Variants in ATRNL1 observed in about 807,000 individuals in gnomAD.
The protein encoded by ATRNL1 is attractin-like protein 1.
ATRNL1 carries 95 observed loss-of-function variants against 182.7 expected under a neutral mutation model. The observed-to-expected ratio is 0.52, with a 90% CI of 0.44 to 0.62. The LOEUF is 0.62. ATRNL1 is among the 20% of genes least tolerant of loss of function. The pLI, the probability that ATRNL1 is intolerant of heterozygous loss-of-function variation, is 0.00. For synonymous variants in ATRNL1, 576 were observed against 568.3 expected (o/e 1.01, Z -0.19); for missense variants, 1,471 against 1,679.5 (o/e 0.88, Z 2.17).
chr10:115,545,247 A>G (rs1031458985), intron 25 of ATRNL1, among the ~76,000 whole-genome samples: 8 of 151,436 alleles, frequency 5.3e-5, no homozygotes, highest in Non-Finnish European at 7.4e-5. Context: ...AAAAAAAAAA[A>G]AAAAAAAAAA....
chr10:115,581,829 G>T (rs1855106627), intron 26 of ATRNL1, among the ~76,000 whole-genome samples: 1 of 150,870 alleles, frequency 6.6e-6, no homozygotes. Flanking sequence ...GTGCCATGCT[G>T]GTGCACTGCA....
intron 26 of ATRNL1, among the ~76,000 whole-genome samples, chr10:115,707,176 A>G (rs1358431389): frequency 2.0e-5 from 3 of 151,862 alleles, no homozygotes; most frequent in African/African-American, 4.8e-5. Context: ...AATAGCAAAA[A>G]TTATTATTGT....
intron 9 of ATRNL1, among the ~76,000 whole-genome samples, chr10:115,227,906 C>G (rs1402702082): frequency 6.6e-6 from 1 of 152,168 alleles, no homozygotes; most frequent in African/African-American, 2.4e-5. Flanking sequence ...GAATTATGGG[C>G]TTAGAAGTTA....
chr10:115,549,960 TC>T (rs1852872497), intron 26 of ATRNL1, among the ~76,000 whole-genome samples: 1 of 151,916 alleles, frequency 6.6e-6, no homozygotes, highest in Non-Finnish European at 1.5e-5. Context: ...ATTATAACAT[TC>T]TTTTTTTGGG....
In ATRNL1 at chr10:115,331,349, C is replaced by T. The variant is rs564860210; in HGVS notation, c.3038-2933C>T. ...TGCTGGGATTATAGGCGTGAGCCAC[C>T]GCAGGTGTGAGGCCTGCATTTTTCC... On this transcript the variant is annotated intron_variant, in intron 18 of 28. Transcript: ENST00000355044. 1.6e-4 allele frequency among the ~76,000 whole-genome samples: 24 copies of T among 152,238 alleles called. No individual in the cohort carries two copies. In the East Asian group the frequency reaches 2.9e-3, roughly 18 times the overall value.
At chr10:115,331,623 A>G (rs912022052) in intron 18 of ATRNL1, among the ~76,000 whole-genome samples, 1 of 151,744 alleles carries the variant, frequency 6.6e-6, no homozygotes, top group African/African-American at 2.4e-5. Flanking sequence ...AGCTAATCTT[A>G]TATCTTCTTT....
rs1031043517 is a variant in ATRNL1 at position 115,663,018 on chromosome 10, C to T, written c.3796-64230C>T. On this transcript the variant is annotated intron_variant, in intron 26 of 28. Transcript: ENST00000355044. ...AGTGAAGAAATATGTACTGTTATCT[C>T]TTCTGAAGAGTTATTCAAATTTTTA... Among the ~76,000 whole-genome samples, 4 of 152,050 alleles carry T rather than the reference C, an allele frequency of 2.6e-5. No homozygotes were observed. The East Asian group carries it at 7.7e-4, about 29-fold the overall frequency.
At chr10:115,888,685 G>A (rs1028736690) in intron 28 of ATRNL1, among the ~76,000 whole-genome samples, 1 of 152,118 alleles carries the variant, frequency 6.6e-6, no homozygotes, top group African/African-American at 2.4e-5. Flanking sequence ...ACCATTAGTT[G>A]CTGCAAAAGA....
intron 5 of ATRNL1, among the ~76,000 whole-genome samples, chr10:115,151,498 C>G (rs1429847184): frequency 6.6e-6 from 1 of 152,152 alleles, no homozygotes; most frequent in Non-Finnish European, 1.5e-5. Context: ...TTTCATGTGT[C>G]TGTTGACTGC....
intron 1 of ATRNL1, among the ~76,000 whole-genome samples, chr10:115,101,867 AC>A (rs1465105659): frequency 1.3e-5 from 2 of 152,190 alleles, no homozygotes; most frequent in African/African-American, 4.8e-5. Flanking sequence ...TATACATTCA[AC>A]TTATTTAATA....
chr10:115,948,233 CAA>C lies in ATRNL1; in HGVS notation c.*3455_*3456del, dbSNP rs1219460103. 2.0e-5 allele frequency: 3 copies of C among 152,120 alleles called. No homozygotes were observed. The highest frequency in any genetic ancestry group is 7.2e-5 in the African/African-American group (3 of 41,404). 9.4% of individuals were successfully genotyped at this position (152,120 alleles called of 1,614,324 possible). On this transcript the variant is annotated 3_prime_UTR_variant, in exon 29 of 29. Transcript: ENST00000355044. ...AAATTACTGACTGATGACATTGAGA[CAA>C]GAGCATCAATGATCACCTTTCACGT...
In ATRNL1 at chr10:115,301,926, A is replaced by G; in HGVS notation, c.2701A>G (p.Ser901Gly). 6.2e-7 allele frequency: 1 copy of G among 1,614,076 alleles called. No individual in the cohort carries two copies. The highest frequency in any genetic ancestry group is 8.5e-7 in the Non-Finnish European group (1 of 1,179,934). The stretch of plus-strand genomic sequence containing the variant: ...GAGGACATCATGTTCCAACTGTACA[A>G]GCAATGGCATGGAGTGTATGTGGTG... ...SLRTSCSNCT[S>G]NGMECMWCSS... The change falls in exon 17 of 29, where the codon AGC (serine) becomes GGC (glycine). Residue 901 changes from serine (S) to glycine (G), a missense_variant. By Grantham distance (56) the Ser-to-Gly change is moderately conservative. Transcript: ENST00000355044.
In ATRNL1 at chr10:115,887,675, T is replaced by TC. The variant is rs1484741506; in HGVS notation, c.4018+39685dup. Among the ~76,000 whole-genome samples, 18 of 151,842 alleles carry TC rather than the reference T, an allele frequency of 1.2e-4. No homozygotes were observed. In the East Asian group the frequency reaches 3.3e-3, roughly 28 times the overall value. ...CAACATAGAGCTCTTTTTTTTTTTTTCACCATGCCTAGTTCTTTTTCCAGT... is the reference window on the plus strand; with the variant it reads ...CAACATAGAGCTCTTTTTTTTTTTTTCCACCATGCCTAGTTCTTTTTCCAGT... On this transcript the variant is annotated intron_variant, in intron 28 of 28. Transcript: ENST00000355044.
intron 25 of ATRNL1, among the ~76,000 whole-genome samples, chr10:115,531,323 A>G (rs1554988184): frequency 1.3e-5 from 2 of 151,872 alleles, no homozygotes; most frequent in South Asian, 2.1e-4. Flanking sequence ...TGCCATTCTG[A>G]CTGGTGTGAG....
intron 25 of ATRNL1, among the ~76,000 whole-genome samples, chr10:115,525,890 C>T (rs2133723292): frequency 6.6e-6 from 1 of 152,240 alleles, no homozygotes; most frequent in South Asian, 2.1e-4. Flanking sequence ...TTCCATGGCT[C>T]CTGCCAGTAC....
chr10:115,351,437 T>C (rs1374550255), intron 19 of ATRNL1, among the ~76,000 whole-genome samples: 1 of 152,146 alleles, frequency 6.6e-6, no homozygotes, highest in East Asian at 1.9e-4. Flanking sequence ...CCTAGTTTTT[T>C]GAGAGTTTTT....
intron 8 of ATRNL1, among the ~76,000 whole-genome samples, chr10:115,206,835 C>T (rs1848817489): frequency 1.3e-5 from 2 of 152,116 alleles, no homozygotes; most frequent in Non-Finnish European, 2.9e-5. Flanking sequence ...ATCCCTTCTC[C>T]AGCCCCTCAC....
intron 27 of ATRNL1, among the ~76,000 whole-genome samples, chr10:115,792,745 ATTTC>A (rs1949559222): frequency 6.6e-6 from 1 of 151,950 alleles, no homozygotes; most frequent in South Asian, 2.1e-4. Flanking sequence ...TTTTTCATTT[ATTTC>A]TTCATTCAAA....
At chr10:115,729,732 A>C (rs552710050) in intron 27 of ATRNL1, among the ~76,000 whole-genome samples, 2 of 152,062 alleles carry the variant, frequency 1.3e-5, no homozygotes, top group African/African-American at 4.8e-5. Context: ...GCCCATCTCA[A>C]ATAAAATTAA....
Sources: allele counts gnomAD v4.1 joint callset (sites outside exome capture counted in the v4.1 genomes callset), GRCh38; gene constraint gnomAD v4.1.1; transcripts MANE v1.5; gene names NCBI Gene and HGNC (gene_info 2026-07-23, HGNC 2026-07-21).